Variants in PCNT observed in about 807,000 individuals in gnomAD.
The protein encoded by PCNT is pericentrin, also known as kendrin.
PCNT carries 319 observed loss-of-function variants against 380.4 expected under a neutral mutation model. The ratio of observed to expected loss-of-function variants is 0.84; its 90% CI spans 0.77 to 0.92. PCNT has a LOEUF of 0.92. PCNT is among the 40% of genes least tolerant of loss of function. The probability of loss-of-function intolerance (pLI) is 0.00; values close to 1 mark genes in which losing one functional copy is unlikely to be tolerated. For missense variants in PCNT, 4,400 were observed against 4,255.3 expected (o/e 1.03, Z -0.95); for synonymous variants, 1,845 against 1,735.2 (o/e 1.06, Z -1.57).
intron 15 of PCNT, among the ~76,000 whole-genome samples, chr21:46,378,097 C>T (rs1000741293): frequency 6.6e-6 from 1 of 152,124 alleles, no homozygotes; most frequent in African/African-American, 2.4e-5. Context: ...TGTATTCCTC[C>T]ATTACTGCCT....
chr21:46,355,288 C>T (rs1021798366), intron 11 of PCNT, among the ~76,000 whole-genome samples, 164 bp from the exon 12 acceptor site: 7 of 152,226 alleles, frequency 4.6e-5, no homozygotes, highest in African/African-American at 7.2e-5. Context: ...CATGTGAGCA[C>T]GCCAGTGGGC....
chr21:46,353,441 C>A, intron 10 of PCNT, 115 bp downstream of exon 10: 1 of 869,548 alleles, frequency 1.2e-6, no homozygotes, highest in Non-Finnish European at 1.9e-6. Context: ...GCCTTTTATA[C>A]AAACACATTT....
chr21:46,430,429 TC>T (rs2087701790), intron 36 of PCNT, 77 bp from the exon 37 acceptor site: 9 of 1,521,648 alleles, frequency 5.9e-6, no homozygotes, highest in Non-Finnish European at 7.1e-6. Flanking sequence ...GGGCTCTGCC[TC>T]CCCTCCTGGA....
Position 46,357,130 on chromosome 21 carries a change from A to G in PCNT, c.2093A>G (p.Glu698Gly), listed in dbSNP as rs2084507783. The G allele has an allele frequency of 6.2e-7, 1 of 1,614,128 alleles. No individual in the cohort carries two copies. Reference sequence around the variant, plus strand: ...GAAGAAATTGAACTCCTAAAAATAGAAAATAGAAATTTGTATGGGAAGTTG... The same window carrying G: ...GAAGAAATTGAACTCCTAAAAATAGGAAATAGAAATTTGTATGGGAAGTTG... ...LKEEIELLKI[E>G]NRNLYGKLQH... The change falls in exon 13 of 47, where the codon GAA (glutamate) becomes GGA (glycine). Residue 698 changes from glutamate (E) to glycine (G), a missense_variant. Coordinates refer to ENST00000359568, the MANE Select transcript of PCNT (RefSeq NM_006031.6).
chr21:46,398,471 C>G (rs1231692641), intron 24 of PCNT, among the ~76,000 whole-genome samples: 2 of 152,374 alleles, frequency 1.3e-5, no homozygotes, highest in East Asian at 3.9e-4. Context: ...AGACTCGGAT[C>G]CCTCGTGCCT....
rs777758638 is a variant in PCNT, at chr21:46,367,012, C to G, written c.3038C>G (p.Thr1013Ser). 6.2e-7 allele frequency: 1 copy of G among 1,614,034 alleles called. No individual in the cohort carries two copies. Reference sequence around the variant, plus strand: ...GACTCTCTTCACCAAACGATTTTGACTCAAGAGTTGGAGAAACTGAAGCGG... The same window carrying G: ...GACTCTCTTCACCAAACGATTTTGAGTCAAGAGTTGGAGAAACTGAAGCGG... ...KKDSLHQTILTQELEKLKRKH... is the reference protein window; with the variant it reads ...KKDSLHQTILSQELEKLKRKH... Residue 1013 changes from threonine to serine, a missense_variant, in exon 15 of 47, where the codon ACT (threonine) becomes AGT (serine). Coordinates refer to ENST00000359568, the MANE Select transcript of PCNT (RefSeq NM_006031.6).
At chr21:46,376,315 A>G (rs2147074341) in intron 15 of PCNT, among the ~76,000 whole-genome samples, 1 of 152,262 alleles carries the variant, frequency 6.6e-6, no homozygotes, top group Admixed American at 6.5e-5. Context: ...TTTTTGTCCA[A>G]AGAGAGTAAG....
At chr21:46,357,861 C>T (rs1046059704) in intron 13 of PCNT, among the ~76,000 whole-genome samples, 1 of 152,228 alleles carries the variant, frequency 6.6e-6, no homozygotes, top group Non-Finnish European at 1.5e-5. Context: ...GTCCGCGTTC[C>T]CCAGGCTCTT....
At position 46,411,449 on chromosome 21, in the gene PCNT, C is replaced by T. The variant is rs892137240; in HGVS notation, c.5376C>T (p.Leu1792=). 18 of 1,610,954 alleles carry T rather than the reference C, an allele frequency of 1.1e-5. No homozygotes were observed. The highest frequency in any genetic ancestry group is 6.7e-5 in the African/African-American group (5 of 74,898). The part of the protein sequence containing the change: ...GPRGQALQGE[L]EAALEAKEAL... ...GTGGGCAGGCCCTACAGGGCGAGCT[C>T]GAGGCTGCGCTGGAAGCCAAGGAGG... The change falls in exon 28 of 47, where the codon CTC becomes CTT. Residue 1792 remains leucine (L), a synonymous_variant. Transcript: ENST00000359568.
intron 28 of PCNT, 72 bp from the exon 29 acceptor site, chr21:46,412,765 C>T (rs2086830673): frequency 6.5e-7 from 1 of 1,548,798 alleles, no homozygotes; most frequent in Admixed American, 1.7e-5. Flanking sequence ...GTTCCCAGCT[C>T]CAGGCCACCT....
Position 46,357,807 on chromosome 21 carries a change from A to G in PCNT, c.2154+616A>G, listed in dbSNP as rs576372883. Among the ~76,000 whole-genome samples the G allele has an allele frequency of 1.3e-4, 20 of 152,320 alleles. No homozygotes were observed. The South Asian group carries it at 3.7e-3, about 28-fold the overall frequency. ...GGAGGAGGCACAAGCCCGGGTGCCAAGCACGTGGCTGGCCTCTGATGCTCA... is the reference window on the plus strand; with the variant it reads ...GGAGGAGGCACAAGCCCGGGTGCCAGGCACGTGGCTGGCCTCTGATGCTCA... On this transcript the variant is annotated intron_variant, in intron 13 of 46. Transcript: ENST00000359568.
intron 40 of PCNT, 55 bp from the exon 41 acceptor site, chr21:46,438,109 A>G (rs971553058): frequency 5.1e-6 from 7 of 1,370,204 alleles, no homozygotes; most frequent in African/African-American, 4.3e-5. Flanking sequence ...AAACACAAGT[A>G]ATGTTCATGC....
chr21:46,392,994 A>G (rs1186459906), intron 21 of PCNT, among the ~76,000 whole-genome samples: 1 of 152,048 alleles, frequency 6.6e-6, no homozygotes, highest in Non-Finnish European at 1.5e-5. Flanking sequence ...TCTTTTAGTC[A>G]TTTAGCCAAG....
At chr21:46,357,917 C>T (rs1017780656) in intron 13 of PCNT, among the ~76,000 whole-genome samples, 2 of 152,378 alleles carry the variant, frequency 1.3e-5, no homozygotes, top group African/African-American at 2.4e-5. Flanking sequence ...CTGACTCCCT[C>T]GCCCTTTGCG....
chr21:46,373,074 G>A (rs2085205913), intron 15 of PCNT, among the ~76,000 whole-genome samples: 1 of 152,190 alleles, frequency 6.6e-6, no homozygotes, highest in Admixed American at 6.5e-5. Flanking sequence ...CAGGCCGAAG[G>A]TAGTGATGCA....
Position 46,366,840 on chromosome 21 carries a change from G to A in PCNT, c.2866G>A (p.Asp956Asn), listed in dbSNP as rs146728385. The change falls in exon 15 of 47, where the codon GAC becomes AAC. Residue 956 changes from aspartate to asparagine, a missense_variant. Coordinates refer to ENST00000359568, the MANE Select transcript of PCNT (RefSeq NM_006031.6). ...CGAACTGCAGACAAAACACGCTGCC[G>A]ACCTCGGCGCTCTGGAGACCAGACA... ...VAELQTKHAADLGALETRHLS... is the reference protein window; with the variant it reads ...VAELQTKHAANLGALETRHLS... The A allele has an allele frequency of 9.4e-5, 151 of 1,614,006 alleles. No individual in the cohort carries two copies. In the African/African-American group the frequency reaches 1.7e-3, roughly 18 times the overall value.
At position 46,435,868 on chromosome 21, in the gene PCNT, T is replaced by C. The variant is rs768843059; in HGVS notation, c.8752-36T>C. Reference sequence around the variant, plus strand: ...GCAGTTTTGTTTTTGGACACTGACGTGAACGTCTTCTCTGTCTTTTTTCTG... The same window carrying C: ...GCAGTTTTGTTTTTGGACACTGACGCGAACGTCTTCTCTGTCTTTTTTCTG... On this transcript the variant is annotated intron_variant, in intron 38 of 46. Transcript: ENST00000359568. 9 of 1,613,572 alleles carry C rather than the reference T, an allele frequency of 5.6e-6. No individual in the cohort carries two copies. In the South Asian group the frequency reaches 9.9e-5, roughly 18 times the overall value.
intron 14 of PCNT, among the ~76,000 whole-genome samples, chr21:46,366,272 C>T (rs2084925636): frequency 6.6e-6 from 1 of 152,126 alleles, no homozygotes; most frequent in South Asian, 2.1e-4. Flanking sequence ...GCCTGCCGTG[C>T]GTGGCTCTGG....
chr21:46,378,113 C>T (rs2085390395), intron 15 of PCNT, among the ~76,000 whole-genome samples: 1 of 152,078 alleles, frequency 6.6e-6, no homozygotes, highest in Admixed American at 6.5e-5. Context: ...TGCCTTTTTT[C>T]ACTTTAATTT....
Sources: gnomAD v4.1 joint callset for allele counts (sites outside exome capture counted in the v4.1 genomes callset) on GRCh38, gnomAD v4.1.1 for gene constraint, MANE v1.5 for transcripts, NCBI Gene and HGNC (gene_info 2026-07-23, HGNC 2026-07-21) for gene names.